The following ROBO2 variants were observed in gnomAD, a reference collection of about 807,000 sequenced individuals.
ROBO2 encodes the protein roundabout homolog 2.
A neutral mutation model predicts 160.8 loss-of-function variants in ROBO2; 53 were observed. The observed-to-expected ratio is 0.33, with a 90% CI of 0.26 to 0.41. The LOEUF (loss-of-function observed/expected upper bound fraction) is 0.41, where lower values mean the gene tolerates loss of function less well. Among genes scored for constraint, ROBO2 ranks in the 10% least tolerant of loss-of-function variants. The probability of loss-of-function intolerance (pLI) is 1.00; values close to 1 mark genes in which losing one functional copy is unlikely to be tolerated. For synonymous variants in ROBO2, 664 were observed against 611.7 expected, an observed-to-expected ratio of 1.09 and a Z score of -1.26; for missense variants, 1,577 against 1,722.4, an observed-to-expected ratio of 0.92 and a Z score of 1.49.
chr3:77,410,519 C>CTCCTCCTCTTCCTCCTCCTCTTCT, intron 2 of ROBO2, among the ~76,000 whole-genome samples: 1 of 135,906 alleles, frequency 7.4e-6, no homozygotes, highest in East Asian at 2.3e-4. Flanking sequence ...CCTCTTCCTC[C>CTCCTCCTCTTCCTCCTCCTCTTCT]TCCTCCTCTT....
At chr3:76,417,799 A>G (rs1249925691) in intron 2 of ROBO2, among the ~76,000 whole-genome samples, 1 of 152,156 alleles carries the variant, frequency 6.6e-6, no homozygotes, top group Non-Finnish European at 1.5e-5. Flanking sequence ...TTTAAATTTT[A>G]TAGTTGATTC....
At chr3:76,003,847 A>C (rs1390873240) in intron 2 of ROBO2, among the ~76,000 whole-genome samples, 1 of 152,234 alleles carries the variant, frequency 6.6e-6, no homozygotes, top group African/African-American at 2.4e-5. Flanking sequence ...GCTTAACACC[A>C]TTAGTCGTTA....
At chr3:76,628,148 G>A (rs1326653068) in intron 2 of ROBO2, among the ~76,000 whole-genome samples, 1 of 152,140 alleles carries the variant, frequency 6.6e-6, no homozygotes, top group East Asian at 1.9e-4. Flanking sequence ...TAGAATAAGT[G>A]TGCCTGCTAC....
rs1316496147 is a variant in ROBO2, at chr3:77,364,351, A to G, written c.389-113063A>G. ...GGTCACTTGTTAGCCTTGGGGCACC[A>G]GGGCAGAGTTTGATGAGGCTTTGGA... On this transcript the variant is annotated intron_variant, in intron 2 of 25. Coordinates refer to ENST00000461745, the Ensembl canonical transcript of ROBO2. 2.0e-5 allele frequency among the ~76,000 whole-genome samples: 3 copies of G among 152,128 alleles called. No homozygotes were observed. The East Asian group carries it at 5.8e-4, about 29-fold the overall frequency.
intron 2 of ROBO2, among the ~76,000 whole-genome samples, chr3:76,103,446 T>A (rs1051054888): frequency 1.3e-5 from 2 of 152,240 alleles, no homozygotes; most frequent in Non-Finnish European, 2.9e-5. Flanking sequence ...AGTTGGAGTC[T>A]GCAACGCACC....
chr3:76,431,539 T>C (rs929659651), intron 2 of ROBO2, among the ~76,000 whole-genome samples: 1 of 152,102 alleles, frequency 6.6e-6, no homozygotes, highest in African/African-American at 2.4e-5. Flanking sequence ...TTAATGCCAG[T>C]GGATTAAGCT....
At chr3:76,227,362 A>G (rs891983485) in intron 2 of ROBO2, among the ~76,000 whole-genome samples, 3 of 152,100 alleles carry the variant, frequency 2.0e-5, no homozygotes, top group African/African-American at 7.2e-5. Flanking sequence ...GCATTCCTTC[A>G]TTTATTCTTT....
chr3:76,768,651 A>C (rs1284980398), intron 2 of ROBO2, among the ~76,000 whole-genome samples: 2 of 150,612 alleles, frequency 1.3e-5, no homozygotes, highest in South Asian at 4.2e-4. Flanking sequence ...AATGTAATAT[A>C]ATATATAAAT....
At chr3:76,614,123 A>T (rs2088372467) in intron 2 of ROBO2, among the ~76,000 whole-genome samples, 1 of 152,256 alleles carries the variant, frequency 6.6e-6, no homozygotes, top group African/African-American at 2.4e-5. Flanking sequence ...TACAATGTAG[A>T]GGCAAAGACA....
intron 2 of ROBO2, among the ~76,000 whole-genome samples, chr3:77,253,403 C>T (rs543761757): frequency 6.6e-5 from 10 of 152,208 alleles, no homozygotes; most frequent in African/African-American, 2.4e-4. Flanking sequence ...AGAAGTTATT[C>T]ACATAAAGAC....
chr3:77,425,030 G>C (rs754194849), intron 2 of ROBO2, among the ~76,000 whole-genome samples: 5 of 152,106 alleles, frequency 3.3e-5, no homozygotes, highest in Non-Finnish European at 7.4e-5. Context: ...TATATATGAC[G>C]TAGTATTTGA....
chr3:76,761,437 C>G (rs916076310), intron 2 of ROBO2, among the ~76,000 whole-genome samples: 3 of 151,692 alleles, frequency 2.0e-5, no homozygotes, highest in Non-Finnish European at 4.4e-5. Context: ...GTGATTATTC[C>G]TTTTCAGCCT....
chr3:77,475,202 A>T (rs1340063892), intron 2 of ROBO2, among the ~76,000 whole-genome samples: 3 of 152,204 alleles, frequency 2.0e-5, no homozygotes, highest in African/African-American at 7.2e-5. Flanking sequence ...TGAAGAGGGT[A>T]CAGTATCAAT....
intron 2 of ROBO2, among the ~76,000 whole-genome samples, chr3:76,258,004 C>T (rs1458462933): frequency 6.6e-6 from 1 of 151,996 alleles, no homozygotes; most frequent in African/African-American, 2.4e-5. Context: ...TTTGGAAAGT[C>T]ATATTTTCTG....
At chr3:77,225,864 TTC>T (rs775752710) in intron 2 of ROBO2, among the ~76,000 whole-genome samples, 5,576 of 152,116 alleles carry the variant, frequency 0.037, 224 homozygotes, top group African/African-American at 0.095. Context: ...TACATATGAC[TTC>T]CTGCTATGGA....
At chr3:77,407,028 G>A (rs1000763791) in intron 2 of ROBO2, among the ~76,000 whole-genome samples, 5 of 152,058 alleles carry the variant, frequency 3.3e-5, no homozygotes, top group Admixed American at 3.3e-4. Context: ...GTCTTGCTAT[G>A]TTTCCCAGGC....
At chr3:77,578,759 TTATC>T (rs2093834143) in intron 15 of ROBO2, among the ~76,000 whole-genome samples, 2 of 152,078 alleles carry the variant, frequency 1.3e-5, no homozygotes, top group Non-Finnish European at 2.9e-5. Flanking sequence ...GAGTAACAAA[TTATC>T]TACTCTGTGT....
chr3:76,236,395 T>G (rs1704945558), intron 2 of ROBO2, among the ~76,000 whole-genome samples: 1 of 152,148 alleles, frequency 6.6e-6, no homozygotes, highest in East Asian at 1.9e-4. Context: ...AATGTATCTC[T>G]AAAGTGCAGA....
rs967312102 is a variant in ROBO2 at position 77,143,178 on chromosome 3, T to C, written c.388+44838T>C. ...CACCATTTTCTTAAACAGCAGCTTT[T>C]TTTTTTTTTTTTTTTTTTTTTTTTT... On this transcript the variant is annotated intron_variant, in intron 2 of 25. Coordinates refer to ENST00000461745, the Ensembl canonical transcript of ROBO2. Among the ~76,000 whole-genome samples, 23 of 107,476 alleles carry C rather than the reference T, an allele frequency of 2.1e-4. 1 individual carries two copies. The highest frequency in any genetic ancestry group is 8.1e-4 in the African/African-American group (20 of 24,830). 70.5% of individuals were successfully genotyped at this position (107,476 alleles called of 152,430 possible).
Sources: allele counts gnomAD v4.1 joint callset (sites outside exome capture counted in the v4.1 genomes callset), GRCh38; gene constraint gnomAD v4.1.1; transcripts MANE v1.5; gene names NCBI Gene and HGNC (gene_info 2026-07-23, HGNC 2026-07-21).